The following CDK14 variants were observed in gnomAD, a reference collection of about 807,000 sequenced individuals.
CDK14 encodes the protein cyclin-dependent kinase 14.
Under a neutral mutation model 60.7 loss-of-function variants are expected in CDK14, and 34 were observed. That is an observed-to-expected ratio of 0.56 (90% CI 0.43 to 0.75). CDK14 has a LOEUF of 0.75. CDK14 is among the 30% of genes least tolerant of loss of function. CDK14 has a pLI of 0.00. For synonymous variants in CDK14, 197 were observed against 203.7 expected, an observed-to-expected ratio of 0.97 and a Z score of 0.28; for missense variants, 482 against 564.1, an observed-to-expected ratio of 0.85 and a Z score of 1.47.
At chr7:90,672,890 T>C (rs961461266) in intron 2 of CDK14, among the ~76,000 whole-genome samples, 13 of 152,142 alleles carry the variant, frequency 8.5e-5, no homozygotes, top group African/African-American at 3.1e-4. Context: ...TTATGACTAA[T>C]GTAGCTATAA....
intron 4 of CDK14, 102 bp downstream of exon 4, chr7:90,747,877 A>C: frequency 2.8e-6 from 1 of 355,106 alleles, no homozygotes; most frequent in Non-Finnish European, 4.7e-6. Flanking sequence ...TATACAATAG[A>C]TTTTCCTCCC....
chr7:91,015,521 G>GGTT (rs1796274922), intron 10 of CDK14, among the ~76,000 whole-genome samples: 1 of 77,664 alleles, frequency 1.3e-5, no homozygotes, highest in Non-Finnish European at 2.3e-5. Context: ...TATGTCTTGG[G>GGTT]TTTTTTTTTT....
intron 8 of CDK14, among the ~76,000 whole-genome samples, chr7:90,933,956 C>A (rs541972121): frequency 6.6e-5 from 10 of 152,338 alleles, no homozygotes; most frequent in African/African-American, 1.9e-4. Context: ...TTATTCCCAG[C>A]CTCTTTCCAA....
intron 9 of CDK14, among the ~76,000 whole-genome samples, chr7:90,970,086 C>T (rs1025332502): frequency 6.6e-6 from 1 of 151,940 alleles, no homozygotes; most frequent in African/African-American, 2.4e-5. Flanking sequence ...CTGCCTCAGC[C>T]TCCTGAGTAG....
At chr7:90,598,901 T>G (rs183210998) in intron 1 of CDK14, among the ~76,000 whole-genome samples, 88 of 151,370 alleles carry the variant, frequency 5.8e-4, no homozygotes, top group African/African-American at 2.1e-3. Flanking sequence ...AGACGGGGTT[T>G]CACCGTTTTA....
chr7:91,043,790 G>A (rs564363437), intron 10 of CDK14, among the ~76,000 whole-genome samples: 6 of 152,056 alleles, frequency 3.9e-5, no homozygotes, highest in Non-Finnish European at 8.8e-5. Context: ...TTTCTCATTT[G>A]TTGATGCTGG....
At chr7:90,807,238 T>C (rs1788886935) in intron 5 of CDK14, among the ~76,000 whole-genome samples, 1 of 152,160 alleles carries the variant, frequency 6.6e-6, no homozygotes, top group Admixed American at 6.5e-5. Flanking sequence ...GACTGACACC[T>C]CACATGGCCA....
Position 90,688,606 on chromosome 7 carries a change from G to T in CDK14, c.124-37961G>T, listed in dbSNP as rs118056554. ...CAGTAAGAGGTATTAACAAAAAACT[G>T]CTGCTAACAGATTATTACAAAAGTA... On this transcript the variant is annotated intron_variant, in intron 2 of 14. Transcript: ENST00000380050. Among the ~76,000 whole-genome samples, 161 of 152,246 alleles carry T rather than the reference G, an allele frequency of 1.1e-3. 1 individual carries two copies. Among genetic ancestry groups the T allele is most frequent in the Non-Finnish European group, 2.0e-3 (134 of 68,004 alleles).
chr7:90,649,378 CTTCCTTCCTTCCTTCCTTCTTTCT>C (rs1800567084), intron 2 of CDK14, among the ~76,000 whole-genome samples: 1 of 44,716 alleles, frequency 2.2e-5, no homozygotes, highest in African/African-American at 1.1e-4. Flanking sequence ...TCCTTCCTTC[CTTCCTTCCTTCCTTCCTTCTTTCT>C]TTCTTTCTTT....
intron 6 of CDK14, among the ~76,000 whole-genome samples, chr7:90,871,326 G>A (rs1444827231): frequency 6.6e-6 from 1 of 152,076 alleles, no homozygotes; most frequent in Non-Finnish European, 1.5e-5. Context: ...AGAAAAATGG[G>A]GTGGAGGAAA....
chr7:90,758,658 C>T (rs971738563), intron 4 of CDK14, among the ~76,000 whole-genome samples: 1 of 152,146 alleles, frequency 6.6e-6, no homozygotes, highest in Non-Finnish European at 1.5e-5. Flanking sequence ...GATGAGGATT[C>T]TGCCCTCGGG....
rs534294126 is a variant in CDK14 at position 90,607,089 on chromosome 7, T to C, written c.123+2840T>C. On this transcript the variant is annotated intron_variant, in intron 2 of 14. Coordinates refer to ENST00000380050, the MANE Select transcript of CDK14 (RefSeq NM_001287135.2). Reference sequence around the variant, plus strand: ...GAGGTGAAACCCCAATCATCACGCTTATGAACTATACAAAAGGATCAAAAT... The same window carrying C: ...GAGGTGAAACCCCAATCATCACGCTCATGAACTATACAAAAGGATCAAAAT... Among the ~76,000 whole-genome samples the C allele has an allele frequency of 4.3e-4, 65 of 152,320 alleles. No individual in the cohort carries two copies. In the South Asian group the frequency reaches 0.013, roughly 32 times the overall value.
chr7:91,145,563 A>G (rs985878648), intron 14 of CDK14, among the ~76,000 whole-genome samples: 1 of 152,228 alleles, frequency 6.6e-6, no homozygotes, highest in African/African-American at 2.4e-5. Context: ...GACAACAATG[A>G]TAGCTAATGC....
rs1408956904 is a variant in CDK14, at chr7:90,711,882, A to ACT, written c.124-14685_124-14684insCT. Among the ~76,000 whole-genome samples, 13 of 110,814 alleles carry ACT rather than the reference A, an allele frequency of 1.2e-4. 1 individual carries two copies. Among genetic ancestry groups the ACT allele is most frequent in the Non-Finnish European group, 1.8e-4 (10 of 54,882 alleles). The allele number at this position is 110,814 out of a possible 152,430, so 72.7% of individuals were successfully genotyped here. Reference sequence around the variant, plus strand: ...GTTCTTATGGAACTTATAGTCTACTATGTTTTTTTTTTTTTTTTTCAATTG... The same window carrying ACT: ...GTTCTTATGGAACTTATAGTCTACTACTTGTTTTTTTTTTTTTTTTTCAATTG... On this transcript the variant is annotated intron_variant, in intron 2 of 14. Transcript: ENST00000380050.
At chr7:91,144,223 CATTAAA>C (rs530072557) in intron 14 of CDK14, among the ~76,000 whole-genome samples, 7 of 152,232 alleles carry the variant, frequency 4.6e-5, no homozygotes, top group Admixed American at 3.9e-4. Flanking sequence ...CCAGAACCTT[CATTAAA>C]ACTGAATGCA....
At chr7:91,028,646 T>C (rs1796672824) in intron 10 of CDK14, among the ~76,000 whole-genome samples, 2 of 152,226 alleles carry the variant, frequency 1.3e-5, no homozygotes, top group African/African-American at 4.8e-5. Flanking sequence ...GTATATATCA[T>C]TGGGTTTTAA....
intron 9 of CDK14, among the ~76,000 whole-genome samples, chr7:90,976,743 A>G (rs1795084938): frequency 1.3e-5 from 2 of 152,124 alleles, no homozygotes; most frequent in South Asian, 4.1e-4. Flanking sequence ...CTAGATGTTA[A>G]TCTATTGTCA....
intron 6 of CDK14, among the ~76,000 whole-genome samples, chr7:90,889,170 G>A (rs1353748355): frequency 6.6e-6 from 1 of 152,168 alleles, no homozygotes; most frequent in Non-Finnish European, 1.5e-5. Flanking sequence ...ATAGAAATAT[G>A]TTTGGTTTTA....
rs546721446 is a variant in CDK14 at position 90,970,276 on chromosome 7, GCACTTTTTAAA to G, written c.948-13868_948-13858del. On this transcript the variant is annotated intron_variant, in intron 9 of 14. Transcript: ENST00000380050. ...CCACTGTGCCTGGCTGAATTTTTAA[GCACTTTTTAAA>G]CACAGCCAACATCATATTTTCAGTG... Among the ~76,000 whole-genome samples the G allele has an allele frequency of 2.0e-3, 304 of 152,208 alleles. 10 individuals carry two copies. Among genetic ancestry groups the G allele is most frequent in the Non-Finnish European group, 1.2e-3 (81 of 67,982 alleles).
Sources: allele counts gnomAD v4.1 joint callset (sites outside exome capture counted in the v4.1 genomes callset), GRCh38; gene constraint gnomAD v4.1.1; transcripts MANE v1.5; gene names NCBI Gene and HGNC (gene_info 2026-07-23, HGNC 2026-07-21).